The following KALRN variants were observed in gnomAD, a reference collection of about 807,000 sequenced individuals.
KALRN encodes the protein kalirin.
A neutral mutation model predicts 353.7 loss-of-function variants in KALRN; 70 were observed. The observed-to-expected ratio is 0.20, with a 90% CI of 0.16 to 0.24. KALRN has a LOEUF of 0.24. Ranked by LOEUF, KALRN falls within the 10% of genes least tolerant of loss-of-function variation. The pLI, the probability that KALRN is intolerant of heterozygous loss-of-function variation, is 1.00. For missense variants in KALRN, 2,791 were observed against 3,756.7 expected, an observed-to-expected ratio of 0.74 and a Z score of 6.72; for synonymous variants, 1,391 against 1,434.8, an observed-to-expected ratio of 0.97 and a Z score of 0.69.
At chr3:124,479,532 T>C (rs1206057430) in intron 27 of KALRN, among the ~76,000 whole-genome samples, 2 of 152,224 alleles carry the variant, frequency 1.3e-5, no homozygotes, top group Non-Finnish European at 1.5e-5. Context: ...ATAATCTTTG[T>C]GGCTTACTTT....
intron 14 of KALRN, among the ~76,000 whole-genome samples, chr3:124,415,857 G>C (rs1336202011): frequency 6.6e-6 from 1 of 152,194 alleles, no homozygotes; most frequent in African/African-American, 2.4e-5. Flanking sequence ...CCTTATCCCA[G>C]ACTTGTGAAT....
At chr3:124,485,825 AG>A (rs1052444436) in intron 28 of KALRN, among the ~76,000 whole-genome samples, 1 of 152,200 alleles carries the variant, frequency 6.6e-6, no homozygotes, top group African/African-American at 2.4e-5. Context: ...GGTTGCAGTG[AG>A]CTGAGATTGC....
intron 10 of KALRN, among the ~76,000 whole-genome samples, chr3:124,375,262 C>G (rs1432978184): frequency 6.6e-6 from 1 of 152,210 alleles, no homozygotes; most frequent in Admixed American, 6.5e-5. Flanking sequence ...GTCTTCAGAG[C>G]TCCGTGTCTG....
chr3:124,639,330 ACAGCTCTTAAG>A, intron 37 of KALRN, among the ~76,000 whole-genome samples: 1 of 152,312 alleles, frequency 6.6e-6, no homozygotes, highest in Admixed American at 6.5e-5. Flanking sequence ...ACTGCCTGGG[ACAGCTCTTAAG>A]CAGCTCTGTG....
chr3:124,534,849 A>C (rs1209437697), intron 33 of KALRN, among the ~76,000 whole-genome samples: 1 of 152,214 alleles, frequency 6.6e-6, no homozygotes, highest in Admixed American at 6.5e-5. Flanking sequence ...ATCAGACAAC[A>C]AGGACAGTGT....
intron 46 of KALRN, 133 bp from the exon 47 acceptor site, chr3:124,666,879 A>T: frequency 1.1e-6 from 1 of 905,548 alleles, no homozygotes; most frequent in Non-Finnish European, 1.6e-6. Flanking sequence ...ACAAAAACCT[A>T]AGTACTGTCC....
chr3:124,355,533 A>G (rs759102852), intron 10 of KALRN, among the ~76,000 whole-genome samples: 4 of 152,092 alleles, frequency 2.6e-5, no homozygotes, highest in Non-Finnish European at 4.4e-5. Flanking sequence ...TAAAAGGTAT[A>G]GTGAAGCCAA....
chr3:124,340,923 T>A (rs1429122188), intron 9 of KALRN, among the ~76,000 whole-genome samples: 2 of 152,154 alleles, frequency 1.3e-5, no homozygotes, highest in Non-Finnish European at 2.9e-5. Flanking sequence ...GCTACTGCAC[T>A]CCAGCTTGGG....
chr3:124,408,705 T>C lies in KALRN; in HGVS notation c.2347-4765T>C, dbSNP rs539051468. Among the ~76,000 whole-genome samples, 11 of 150,418 alleles carry C rather than the reference T, an allele frequency of 7.3e-5. No homozygotes were observed. The East Asian group carries it at 2.0e-3, about 27-fold the overall frequency. The stretch of plus-strand genomic sequence containing the variant: ...ATAAAGAGTTGAAGTGGGTAGACCA[T>C]AGGAAGTGGGGAAAAAAAAAAGGGA... On this transcript the variant is annotated intron_variant, in intron 13 of 59. Coordinates refer to ENST00000682506, the MANE Select transcript of KALRN (RefSeq NM_001388419.1).
intron 11 of KALRN, among the ~76,000 whole-genome samples, chr3:124,388,016 A>G (rs1235811880): frequency 1.3e-5 from 2 of 152,040 alleles, no homozygotes; most frequent in African/African-American, 4.8e-5. Context: ...ACATATATGT[A>G]TATGTACATG....
intron 1 of KALRN, among the ~76,000 whole-genome samples, chr3:124,161,675 A>T (rs1578798684): frequency 6.6e-6 from 1 of 152,216 alleles, no homozygotes; most frequent in African/African-American, 2.4e-5. Context: ...TCCCAGAAAG[A>T]AGCAAGAACT....
chr3:124,140,436 C>T (rs1163526040), intron 1 of KALRN, among the ~76,000 whole-genome samples: 3 of 152,198 alleles, frequency 2.0e-5, no homozygotes, highest in African/African-American at 7.2e-5. Context: ...TCTTCTCTGT[C>T]TCTGTCAGAC....
chr3:124,435,856 T>C lies in KALRN; in HGVS notation c.3048+1331T>C, dbSNP rs983520881. The stretch of plus-strand genomic sequence containing the variant: ...TAATACATTGATTCTAAGATCTATA[T>C]GGAAATAAAATGCAAATGCAAAGAA... On this transcript the variant is annotated intron_variant, in intron 17 of 59. Coordinates refer to ENST00000682506, the MANE Select transcript of KALRN (RefSeq NM_001388419.1). Among the ~76,000 whole-genome samples the C allele has an allele frequency of 4.6e-5, 7 of 152,074 alleles. No homozygotes were observed. In the South Asian group the frequency reaches 1.0e-3, roughly 22 times the overall value.
At chr3:124,521,388 C>G (rs2067149030) in intron 33 of KALRN, among the ~76,000 whole-genome samples, 1 of 152,100 alleles carries the variant, frequency 6.6e-6, no homozygotes, top group African/African-American at 2.4e-5. Flanking sequence ...TCATTGAGAT[C>G]AACTGATGAA....
At chr3:124,613,806 T>A (rs1329350199) in intron 34 of KALRN, among the ~76,000 whole-genome samples, 1 of 152,246 alleles carries the variant, frequency 6.6e-6, no homozygotes, top group East Asian at 1.9e-4. Context: ...CCTCACTGTC[T>A]ACTAGGGTCC....
chr3:124,711,264 C>T (rs767870977), intron 57 of KALRN, among the ~76,000 whole-genome samples: 8 of 152,100 alleles, frequency 5.3e-5, no homozygotes, highest in South Asian at 2.1e-4. Flanking sequence ...TCAAGCAATC[C>T]TCTTGTCTCA....
intron 1 of KALRN, among the ~76,000 whole-genome samples, chr3:124,184,727 A>T (rs1322183049): frequency 6.6e-6 from 1 of 152,204 alleles, no homozygotes; most frequent in Non-Finnish European, 1.5e-5. Flanking sequence ...TAGACCAGAG[A>T]TACCCAGAAG....
chr3:124,678,457 G>A (rs1233129039), intron 50 of KALRN, 144 bp downstream of exon 50: 5 of 794,368 alleles, frequency 6.3e-6, no homozygotes, highest in Non-Finnish European at 9.7e-6. Context: ...GCAGGATTTT[G>A]CATGCAAGAT....
intron 13 of KALRN, among the ~76,000 whole-genome samples, chr3:124,408,077 C>CT (rs967181656): frequency 6.6e-6 from 1 of 152,026 alleles, no homozygotes; most frequent in Non-Finnish European, 1.5e-5. Flanking sequence ...CTGGCCAAAA[C>CT]TTTTTTTTAA....
Sources: allele counts gnomAD v4.1 joint callset (sites outside exome capture counted in the v4.1 genomes callset), GRCh38; gene constraint gnomAD v4.1.1; transcripts MANE v1.5; gene names NCBI Gene and HGNC (gene_info 2026-07-23, HGNC 2026-07-21).